DISC1: variants seen among roughly 807,000 people sequenced by gnomAD.
DISC1 encodes the protein disrupted in schizophrenia 1 protein.
Under a neutral mutation model 84.5 loss-of-function variants are expected in DISC1, and 57 were observed. That is an observed-to-expected ratio of 0.67 (90% CI 0.55 to 0.84). DISC1 has a LOEUF of 0.84. DISC1 is among the 40% of genes least tolerant of loss of function. The probability of loss-of-function intolerance (pLI) is 0.00; values close to 1 mark genes in which losing one functional copy is unlikely to be tolerated. For missense variants in DISC1, 1,000 were observed against 1,057.8 expected (o/e 0.95, Z 0.76); for synonymous variants, 411 against 415.2 (o/e 0.99, Z 0.12).
intron 9 of DISC1, among the ~76,000 whole-genome samples, chr1:231,956,714 G>C (rs1202471776): frequency 3.3e-5 from 5 of 152,144 alleles, no homozygotes; most frequent in Admixed American, 3.3e-4. Flanking sequence ...GGTATAGTGG[G>C]GGGGACTTGT....
rs2081275917 is a variant in DISC1, at chr1:231,818,770, T to C, written c.1981+253T>C. 4 of 1,333,998 alleles carry C rather than the reference T, an allele frequency of 3.0e-6. No homozygotes were observed. In the Admixed American group the frequency reaches 1.3e-4, roughly 45 times the overall value. 82.6% of individuals were successfully genotyped at this position (1,333,998 alleles called of 1,614,324 possible). On this transcript the variant is annotated intron_variant, in intron 9 of 12. Coordinates refer to ENST00000439617, the MANE Select transcript of DISC1 (RefSeq NM_018662.3). Reference sequence around the variant, plus strand: ...CCCTGTCTCAACCTGTGTTTGCTAATAGCCTTGTTATTATTTAGAGCAGTC... The same window carrying C: ...CCCTGTCTCAACCTGTGTTTGCTAACAGCCTTGTTATTATTTAGAGCAGTC...
In DISC1 at chr1:231,953,839, G is replaced by A. The variant is rs186177463; in HGVS notation, c.1982-4989G>A. On this transcript the variant is annotated intron_variant, in intron 9 of 12. Coordinates refer to ENST00000439617, the MANE Select transcript of DISC1 (RefSeq NM_018662.3). ...GGTGAGATCGTATCGTACTGATCCC[G>A]TCTGAGGATGCCTTCCTTATTAATT... Among the ~76,000 whole-genome samples the A allele has an allele frequency of 1.3e-3, 196 of 152,272 alleles. 1 individual carries two copies. Among genetic ancestry groups the A allele is most frequent in the African/African-American group, 4.6e-3 (191 of 41,564 alleles).
In DISC1 at chr1:232,031,921, A is replaced by G. The variant is rs1670091015; in HGVS notation, c.2426-4771A>G. 6.6e-6 allele frequency among the ~76,000 whole-genome samples: 1 copy of G among 152,192 alleles called. No individual in the cohort carries two copies. Among genetic ancestry groups the G allele is most frequent in the Admixed American group, 6.5e-5 (1 of 15,286 alleles). On this transcript the variant is annotated intron_variant, in intron 12 of 12. Coordinates refer to ENST00000439617, the MANE Select transcript of DISC1 (RefSeq NM_018662.3). This position sits in a 1 kb window ranked among gnomAD's most constrained non-coding sequence, Gnocchi z 4.6. ...GGCTGTAGTGGCTACCCAGGAAGGAATGGTGGTAAGAAGAAATAATGTAGC... is the reference window on the plus strand; with the variant it reads ...GGCTGTAGTGGCTACCCAGGAAGGAGTGGTGGTAAGAAGAAATAATGTAGC...
At chr1:232,028,928 A>G (rs958543220) in intron 12 of DISC1, among the ~76,000 whole-genome samples, 1 of 152,150 alleles carries the variant, frequency 6.6e-6, no homozygotes, top group Non-Finnish European at 1.5e-5. Context: ...TTGACAGTCG[A>G]AAAAAACAAG....
intron 11 of DISC1, among the ~76,000 whole-genome samples, chr1:232,025,660 A>ACG: frequency 7.3e-6 from 1 of 136,796 alleles, no homozygotes; most frequent in Non-Finnish European, 1.6e-5. Context: ...GCAGTGGTGC[A>ACG]ATCTCGGCTC....
At chr1:231,998,252 A>G (rs1666210940) in intron 10 of DISC1, among the ~76,000 whole-genome samples, 1 of 152,236 alleles carries the variant, frequency 6.6e-6, no homozygotes, top group South Asian at 2.1e-4. Context: ...ATGAAACAAT[A>G]TGAAGAATAG....
At chr1:231,726,847 C>T (rs754271255) in intron 3 of DISC1, among the ~76,000 whole-genome samples, 3 of 152,144 alleles carry the variant, frequency 2.0e-5, no homozygotes, top group Admixed American at 2.0e-4. Context: ...AATATCATAT[C>T]CATAATCACA....
chr1:231,759,290 C>T (rs1270394498), intron 4 of DISC1, among the ~76,000 whole-genome samples: 1 of 152,096 alleles, frequency 6.6e-6, no homozygotes, highest in African/African-American at 2.4e-5. Flanking sequence ...CAGCTCTAAG[C>T]CCTTGAGATT....
At chr1:231,797,692 GA>G (rs1190391938) in intron 7 of DISC1, among the ~76,000 whole-genome samples, 25 of 151,992 alleles carry the variant, frequency 1.6e-4, no homozygotes, top group Middle Eastern at 3.4e-3. Flanking sequence ...ATTCTGGGGG[GA>G]AAAAAACATC....
At chr1:231,865,070 T>G (rs992461700) in intron 9 of DISC1, among the ~76,000 whole-genome samples, 1 of 152,074 alleles carries the variant, frequency 6.6e-6, no homozygotes, top group Non-Finnish European at 1.5e-5. Flanking sequence ...ACCTATTGAG[T>G]CCCTGTTTTA....
chr1:231,929,275 C>G (rs1366622103), intron 9 of DISC1, among the ~76,000 whole-genome samples: 3 of 152,088 alleles, frequency 2.0e-5, no homozygotes, highest in Non-Finnish European at 4.4e-5. Flanking sequence ...GGATAGTTAG[C>G]TCTTCATGGA....
chr1:231,826,172 C>T lies in DISC1; in HGVS notation c.1981+7655C>T, dbSNP rs924956898. Among the ~76,000 whole-genome samples, 6 of 152,258 alleles carry T rather than the reference C, an allele frequency of 3.9e-5. No individual in the cohort carries two copies. Among genetic ancestry groups the T allele is most frequent in the Admixed American group, 6.5e-5 (1 of 15,292 alleles). On this transcript the variant is annotated intron_variant, in intron 9 of 12. Transcript: ENST00000439617. This position sits in a 1 kb window ranked among gnomAD's most constrained non-coding sequence, Gnocchi z 4.2. ...GGCTCCACTGGAATCTCTGTTTTACCGATGAAGAAGCTGAGGTTTAGGAAG... is the reference window on the plus strand; with the variant it reads ...GGCTCCACTGGAATCTCTGTTTTACTGATGAAGAAGCTGAGGTTTAGGAAG...
At chr1:231,902,472 A>C (rs1428127967) in intron 9 of DISC1, among the ~76,000 whole-genome samples, 3 of 152,014 alleles carry the variant, frequency 2.0e-5, no homozygotes, top group Non-Finnish European at 4.4e-5. Flanking sequence ...GTGGTGGTGC[A>C]TGCTTGTAGT....
chr1:231,770,828 T>A lies in DISC1; in HGVS notation c.1399-7T>A, dbSNP rs748285384. 2 of 1,613,726 alleles carry A rather than the reference T, an allele frequency of 1.2e-6. No individual in the cohort carries two copies. Among genetic ancestry groups the A allele is most frequent in the South Asian group, 2.2e-5 (2 of 90,970 alleles). On this transcript the variant is annotated splice_region_variant and splice_polypyrimidine_tract_variant and intron_variant, in intron 5 of 12. Coordinates refer to ENST00000439617, the MANE Select transcript of DISC1 (RefSeq NM_018662.3). ...TTTATAAAATCTTGTCTCCTCATTC[T>A]CTACAGAAAGAAATCGAAGCTCTCC...
In DISC1 at chr1:232,009,639, A is replaced by G. The variant is rs112471426; in HGVS notation, c.2307+590A>G. ...TGAGATATATGTATTACAAATTAAA[A>G]TATGGTTTTATTTAACTTTCTTTTT... On this transcript the variant is annotated intron_variant, in intron 11 of 12. Transcript: ENST00000439617. This position sits in a 1 kb window ranked among gnomAD's most constrained non-coding sequence, Gnocchi z 4.6. The G allele has an allele frequency of 2.8e-5, 24 of 870,612 alleles. No individual in the cohort carries two copies. In the African/African-American group the frequency reaches 3.1e-4, roughly 11 times the overall value. The allele number at this position is 870,612 out of a possible 1,614,324, so 53.9% of individuals were successfully genotyped here. A position where few individuals can be genotyped will look rare whatever the true frequency, so the allele number is the denominator to read the frequency against.
chr1:231,728,150 T>G (rs2070997967), intron 3 of DISC1, among the ~76,000 whole-genome samples: 1 of 152,180 alleles, frequency 6.6e-6, no homozygotes, highest in African/African-American at 2.4e-5. Context: ...CTTTGGTGTT[T>G]ACTTGATCAT....
chr1:231,695,145 G>GGT (rs1248783004), intron 2 of DISC1, among the ~76,000 whole-genome samples: 3 of 152,160 alleles, frequency 2.0e-5, no homozygotes, highest in African/African-American at 7.2e-5. Flanking sequence ...GATTGAGCTG[G>GGT]GTGATGTTTG....
At chr1:231,700,112 C>T (rs940839155) in intron 2 of DISC1, among the ~76,000 whole-genome samples, 1 of 152,212 alleles carries the variant, frequency 6.6e-6, no homozygotes, top group African/African-American at 2.4e-5. Flanking sequence ...ACCAGCATCC[C>T]TGATCCCCAT....
At chr1:231,732,301 A>G (rs2071628395) in intron 3 of DISC1, among the ~76,000 whole-genome samples, 1 of 152,240 alleles carries the variant, frequency 6.6e-6, no homozygotes, top group Admixed American at 6.5e-5. Context: ...TGTCCAGTGT[A>G]TTGATCAGAA....
Sources: allele counts gnomAD v4.1 joint callset (sites outside exome capture counted in the v4.1 genomes callset), GRCh38; gene constraint gnomAD v4.1.1; non-coding constraint Gnocchi (gnomAD v3.1); transcripts MANE v1.5; gene names NCBI Gene and HGNC (gene_info 2026-07-23, HGNC 2026-07-21).